Variants in ITGA2 observed in about 807,000 individuals in gnomAD.
The protein encoded by ITGA2 is integrin subunit alpha 2.
A neutral mutation model predicts 146.3 loss-of-function variants in ITGA2; 101 were observed. The observed-to-expected ratio is 0.69, with a 90% CI of 0.59 to 0.81. ITGA2 has a LOEUF of 0.81. Among genes scored for constraint, ITGA2 ranks in the 40% least tolerant of loss-of-function variants. The probability of loss-of-function intolerance (pLI) is 0.00; values close to 1 mark genes in which losing one functional copy is unlikely to be tolerated. For missense variants in ITGA2, 1,281 were observed against 1,402.7 expected, an observed-to-expected ratio of 0.91 and a Z score of 1.39; for synonymous variants, 477 against 487.1, an observed-to-expected ratio of 0.98 and a Z score of 0.27.
chr5:53,045,917 G>A (rs77816287), intron 4 of ITGA2, among the ~76,000 whole-genome samples: 27,756 of 151,684 alleles, frequency 0.18, 3,141 homozygotes, highest in South Asian at 0.27. Context: ...GAGGTTGGGC[G>A]CGGTGGCTCA....
chr5:52,998,891 CT>C (rs1741429954), intron 1 of ITGA2, among the ~76,000 whole-genome samples: 2 of 152,222 alleles, frequency 1.3e-5, no homozygotes, highest in Non-Finnish European at 2.9e-5. Context: ...AAAATTTCTA[CT>C]TCTTTCCAAT....
chr5:53,086,361 G>T (rs1000545100), intron 27 of ITGA2, among the ~76,000 whole-genome samples: 2 of 152,162 alleles, frequency 1.3e-5, no homozygotes, highest in African/African-American at 4.8e-5. Flanking sequence ...TAGGAAATCT[G>T]AAGTTATACT....
At chr5:53,025,952 A>C (rs1395607312) in intron 1 of ITGA2, among the ~76,000 whole-genome samples, 1 of 152,206 alleles carries the variant, frequency 6.6e-6, no homozygotes, top group African/African-American at 2.4e-5. Flanking sequence ...TCCATCAGAA[A>C]TAAGAATTTT....
intron 28 of ITGA2, among the ~76,000 whole-genome samples, chr5:53,087,600 G>A (rs1008004405): frequency 1.3e-5 from 2 of 149,148 alleles, no homozygotes; most frequent in Non-Finnish European, 3.0e-5. Context: ...TTACATTCGG[G>A]AGGACTATAA....
chr5:53,067,944 T>A (rs1488757923), intron 16 of ITGA2, among the ~76,000 whole-genome samples: 1 of 151,892 alleles, frequency 6.6e-6, no homozygotes, highest in Non-Finnish European at 1.5e-5. Flanking sequence ...CTCACCTTCA[T>A]CTCTTCTGCC....
intron 4 of ITGA2, among the ~76,000 whole-genome samples, chr5:53,047,191 A>G (rs1314116020): frequency 1.3e-5 from 2 of 152,266 alleles, no homozygotes; most frequent in Admixed American, 1.3e-4. Context: ...TATTTTTCCA[A>G]TTACTTCTTG....
At chr5:53,055,447 A>T (rs1744582801) in intron 7 of ITGA2, 91 bp from the exon 8 acceptor site, 3 of 1,118,794 alleles carry the variant, frequency 2.7e-6, no homozygotes, top group Non-Finnish European at 4.0e-6. Context: ...TGTTTAAAGA[A>T]GCTAGTTTCA....
At chr5:52,998,751 C>G (rs1273873750) in intron 1 of ITGA2, among the ~76,000 whole-genome samples, 2 of 152,062 alleles carry the variant, frequency 1.3e-5, no homozygotes, top group African/African-American at 4.8e-5. Flanking sequence ...GAAGACAGGC[C>G]CATATCATCT....
Position 53,053,242 on chromosome 5 carries a change from G to A in ITGA2, c.779+1683G>A, listed in dbSNP as rs3212512. The stretch of plus-strand genomic sequence containing the variant: ...ATTTCAGTTGCTACTTCCGTCAACT[G>A]GTGACAATCCCAAATGTCTCAAAAG... On this transcript the variant is annotated intron_variant, in intron 7 of 29. Transcript: ENST00000296585. Among the ~76,000 whole-genome samples the A allele has an allele frequency of 7.7e-3, 1,179 of 152,180 alleles. 13 individuals carry two copies. The highest frequency in any genetic ancestry group is 0.026 in the African/African-American group (1,062 of 41,510).
intron 24 of ITGA2, among the ~76,000 whole-genome samples, chr5:53,079,369 C>A (rs3212695): frequency 1.3e-5 from 2 of 152,026 alleles, no homozygotes; most frequent in Non-Finnish European, 2.9e-5. Flanking sequence ...TTGAGTTTAC[C>A]ATTTGTATAC....
intron 26 of ITGA2, among the ~76,000 whole-genome samples, chr5:53,081,976 A>G (rs1384282053): frequency 6.6e-6 from 1 of 152,228 alleles, no homozygotes; most frequent in Admixed American, 6.5e-5. Context: ...ACTTTATGAC[A>G]TCAGAAAAAC....
Position 53,059,883 on chromosome 5 carries a change from A to T in ITGA2, c.1183A>T (p.Met395Leu). 1 of 1,612,056 alleles carries T rather than the reference A, an allele frequency of 6.2e-7. No homozygotes were observed. The highest frequency in any genetic ancestry group is 8.5e-7 in the Non-Finnish European group (1 of 1,178,804). ...ADYSSQNDIL[M>L]LGAVGAFGWS... ...TTTTCAATTATTTTAGGATATTCTG[A>T]TGCTGGGTGCAGTGGGAGCTTTTGG... Residue 395 changes from methionine (M) to leucine (L), a missense_variant, in exon 11 of 30, where the codon ATG becomes TTG. This residue lies in a region of ITGA2 where 795 missense variants were observed against 841.7 expected (regional missense o/e 0.94). Coordinates refer to ENST00000296585, the MANE Select transcript of ITGA2 (RefSeq NM_002203.4).
In ITGA2 at chr5:53,094,687, A is replaced by G. The variant is rs1740614481; in HGVS notation, c.*4088A>G. ...CAAGTATAACAAACAGAAAAGTTTC[A>G]TTATTGTAACCCACTTTTTTCATAC... On this transcript the variant is annotated 3_prime_UTR_variant, in exon 30 of 30. Coordinates refer to ENST00000296585, the MANE Select transcript of ITGA2 (RefSeq NM_002203.4). 1 of 152,226 alleles carries G rather than the reference A, an allele frequency of 6.6e-6. No individual in the cohort carries two copies. Among genetic ancestry groups the G allele is most frequent in the Non-Finnish European group, 1.5e-5 (1 of 68,028 alleles). 9.4% of individuals were successfully genotyped at this position (152,226 alleles called of 1,614,324 possible).
chr5:53,015,695 G>A lies in ITGA2; in HGVS notation c.65-11053G>A, dbSNP rs986594568. 2.6e-5 allele frequency among the ~76,000 whole-genome samples: 4 copies of A among 152,266 alleles called. 1 individual carries two copies. The highest frequency in any genetic ancestry group is 2.6e-4 in the Admixed American group (4 of 15,290). On this transcript the variant is annotated intron_variant, in intron 1 of 29. Coordinates refer to ENST00000296585, the MANE Select transcript of ITGA2 (RefSeq NM_002203.4). ...CTAATACTGTCAGTGGGGTGTTGAA[G>A]TTGCCCATTATTATTGTGTGGTTAT...
chr5:53,041,339 T>G (rs978848475), intron 2 of ITGA2, among the ~76,000 whole-genome samples: 9 of 152,166 alleles, frequency 5.9e-5, no homozygotes, highest in Non-Finnish European at 5.9e-5. Flanking sequence ...AACACCAATC[T>G]CATCCTGTAT....
intron 8 of ITGA2, 134 bp from the exon 9 acceptor site, chr5:53,055,850 T>C: frequency 8.0e-7 from 1 of 1,244,546 alleles, no homozygotes; most frequent in Non-Finnish European, 1.2e-6. Context: ...TCCTGTCTAC[T>C]AAATAAAGGG....
At chr5:52,992,322 G>A (rs540621587) in intron 1 of ITGA2, among the ~76,000 whole-genome samples, 2 of 152,062 alleles carry the variant, frequency 1.3e-5, no homozygotes, top group Admixed American at 6.5e-5. Flanking sequence ...TCTGCAGATT[G>A]TCTCTGGGCC....
At chr5:53,015,902 G>A (rs1742379885) in intron 1 of ITGA2, among the ~76,000 whole-genome samples, 1 of 151,592 alleles carries the variant, frequency 6.6e-6, no homozygotes, top group Admixed American at 6.6e-5. Context: ...AATTAGAATA[G>A]CAGCCTCTGC....
At position 53,070,274 on chromosome 5, in the gene ITGA2, A is replaced by T; in HGVS notation, c.2235+14A>T. Reference sequence around the variant, plus strand: ...ATTTATATACAGGTAAGGCCTCAGGAACATCCCTTTTGACTTTATTTCTTC... The same window carrying T: ...ATTTATATACAGGTAAGGCCTCAGGTACATCCCTTTTGACTTTATTTCTTC... On this transcript the variant is annotated intron_variant, in intron 17 of 29. Coordinates refer to ENST00000296585, the MANE Select transcript of ITGA2 (RefSeq NM_002203.4). 7 of 1,611,146 alleles carry T rather than the reference A, an allele frequency of 4.3e-6. No homozygotes were observed. The highest frequency in any genetic ancestry group is 5.9e-6 in the Non-Finnish European group (7 of 1,178,020).
Sources: gnomAD v4.1 joint callset for allele counts (sites outside exome capture counted in the v4.1 genomes callset) on GRCh38, gnomAD v4.1.1 for gene constraint, gnomAD v4.1.1 regional missense constraint, MANE v1.5 for transcripts, NCBI Gene and HGNC (gene_info 2026-07-23, HGNC 2026-07-21) for gene names.